Variants in SAMHD1 observed in about 807,000 individuals in gnomAD.
SAMHD1 encodes SAM and HD domain containing deoxynucleoside triphosphate triphosphohydrolase 1.
Under a neutral mutation model 79.6 loss-of-function variants are expected in SAMHD1, and 54 were observed. The observed-to-expected ratio is 0.68, with a 90% CI of 0.55 to 0.85. SAMHD1 has a LOEUF of 0.85. Among genes scored for constraint, SAMHD1 ranks in the 40% least tolerant of loss-of-function variants. The pLI, the probability that SAMHD1 is intolerant of heterozygous loss-of-function variation, is 0.00. For missense variants in SAMHD1, 663 were observed against 782.7 expected (o/e 0.85, Z 1.82); for synonymous variants, 260 against 264.1 (o/e 0.98, Z 0.15).
At chr20:36,902,870 T>A (rs1012429598) in intron 13 of SAMHD1, among the ~76,000 whole-genome samples, 1 of 151,716 alleles carries the variant, frequency 6.6e-6, no homozygotes, top group African/African-American at 2.4e-5. Flanking sequence ...CCCAAGTAAC[T>A]GGGATTATAG....
intron 2 of SAMHD1, among the ~76,000 whole-genome samples, chr20:36,945,406 A>G (rs1461656177): frequency 5.9e-5 from 9 of 152,166 alleles, no homozygotes; most frequent in Admixed American, 5.9e-4. Flanking sequence ...GCATATTCCA[A>G]TCTTTAGGAA....
chr20:36,945,841 G>A (rs778973414), intron 2 of SAMHD1, among the ~76,000 whole-genome samples: 3 of 151,952 alleles, frequency 2.0e-5, no homozygotes, highest in Admixed American at 6.6e-5. Context: ...AACCCAGGGG[G>A]TTCAGTGAGC....
chr20:36,945,371 T>C (rs1440490590), intron 2 of SAMHD1, among the ~76,000 whole-genome samples: 1 of 152,210 alleles, frequency 6.6e-6, no homozygotes, highest in African/African-American at 2.4e-5. Context: ...CTGTTTTGCA[T>C]AGTGTCTTTA....
chr20:36,930,932 T>A (rs760907185), intron 4 of SAMHD1, 57 bp from the exon 5 acceptor site: 3 of 1,191,260 alleles, frequency 2.5e-6, no homozygotes, highest in Non-Finnish European at 1.3e-6. Flanking sequence ...GTGATAGTTC[T>A]GGTCCTCAAG....
intron 14 of SAMHD1, 119 bp downstream of exon 14, chr20:36,898,321 C>T: frequency 1.3e-6 from 1 of 798,150 alleles, no homozygotes; most frequent in Non-Finnish European, 2.2e-6. Context: ...AGCTACTGTG[C>T]CAGGCCCACT....
chr20:36,892,163 A>G lies in SAMHD1; in HGVS notation c.*769T>C, dbSNP rs1398481028. ...CAAGAGGCGGCTTTATGTTCCACTC[A>G]CGAAGAGGCCAGAGCTCTCAGATCT... On this transcript the variant is annotated 3_prime_UTR_variant, in exon 16 of 16. Transcript: ENST00000646673. 1 of 152,370 alleles carries G rather than the reference A, an allele frequency of 6.6e-6. No individual in the cohort carries two copies. 9.4% of individuals were successfully genotyped at this position (152,370 alleles called of 1,614,324 possible).
chr20:36,896,785 A>AGATC, intron 15 of SAMHD1, among the ~76,000 whole-genome samples: 1 of 152,138 alleles, frequency 6.6e-6, no homozygotes, highest in Non-Finnish European at 1.5e-5. Flanking sequence ...CAGTGAGCCA[A>AGATC]GATCGTGCCA....
intron 1 of SAMHD1, among the ~76,000 whole-genome samples, chr20:36,950,305 G>C (rs568191157): frequency 6.6e-6 from 1 of 151,764 alleles, no homozygotes; most frequent in South Asian, 2.1e-4. Context: ...AGCAGTGGAG[G>C]GAAACGAAAG....
intron 6 of SAMHD1, among the ~76,000 whole-genome samples, chr20:36,924,520 C>G (rs1389479033): frequency 2.0e-5 from 3 of 151,982 alleles, no homozygotes; most frequent in Non-Finnish European, 4.4e-5. Context: ...CACTGGCTTA[C>G]AGAAATAACA....
chr20:36,946,560 A>G (rs1274047636), intron 2 of SAMHD1, 178 bp downstream of exon 2: 1 of 574,376 alleles, frequency 1.7e-6, no homozygotes, highest in Admixed American at 2.9e-5. Flanking sequence ...TGGGTGAACA[A>G]GAGACTATCT....
intron 9 of SAMHD1, among the ~76,000 whole-genome samples, 199 bp from the exon 10 acceptor site, chr20:36,912,751 ATTTTTTTTTTTT>A (rs66970329): frequency 4.7e-5 from 5 of 107,058 alleles, no homozygotes; most frequent in African/African-American, 6.9e-5. Context: ...TGCAACTTTC[ATTTTTTTTTTTT>A]TTTTTTTTTT....
intron 6 of SAMHD1, among the ~76,000 whole-genome samples, chr20:36,923,845 G>A (rs1169912523): frequency 6.6e-6 from 1 of 152,130 alleles, no homozygotes; most frequent in Non-Finnish European, 1.5e-5. Flanking sequence ...TAAAAGGAAG[G>A]AGCTGAGAAA....
chr20:36,906,751 A>G (rs961035723), intron 11 of SAMHD1, among the ~76,000 whole-genome samples: 9 of 151,676 alleles, frequency 5.9e-5, no homozygotes, highest in African/African-American at 2.2e-4. Flanking sequence ...AACAATTGTT[A>G]ATGTTTTTCT....
intron 10 of SAMHD1, 85 bp downstream of exon 10, chr20:36,912,376 T>C (rs902028580): frequency 7.3e-6 from 6 of 817,576 alleles, no homozygotes; most frequent in Non-Finnish European, 6.4e-6. Flanking sequence ...TGAACTCATC[T>C]AGAAATGTCT....
intron 2 of SAMHD1, among the ~76,000 whole-genome samples, chr20:36,946,194 C>T (rs1252571488): frequency 2.0e-5 from 3 of 151,882 alleles, no homozygotes; most frequent in African/African-American, 4.8e-5. Flanking sequence ...GGGCAGATCA[C>T]GAGGTCAGGA....
chr20:36,944,724 G>A (rs6030342), intron 2 of SAMHD1, among the ~76,000 whole-genome samples: 10,271 of 152,030 alleles, frequency 0.068, 444 homozygotes, highest in Non-Finnish European at 0.1. Flanking sequence ...GAGAAACCCC[G>A]TCTCTACTAA....
In SAMHD1 at chr20:36,902,595, T is replaced by G. The variant is rs534987934; in HGVS notation, c.1503+1562A>C. 2.0e-5 allele frequency among the ~76,000 whole-genome samples: 3 copies of G among 152,226 alleles called. No homozygotes were observed. The East Asian group carries it at 5.8e-4, about 29-fold the overall frequency. ...TGTATAGTGATGGTATCCAGGAGCA[T>G]TTATGTGTCCAGGTATGGGTGTGGA... On this transcript the variant is annotated intron_variant, in intron 13 of 15. Coordinates refer to ENST00000646673, the MANE Select transcript of SAMHD1 (RefSeq NM_015474.4).
At chr20:36,912,353 C>T (rs955130209) in intron 10 of SAMHD1, 108 bp downstream of exon 10, 2 of 727,912 alleles carry the variant, frequency 2.7e-6, no homozygotes, top group South Asian at 1.5e-5. Context: ...AATTTAATCA[C>T]TTAATATTCA....
rs151306059 is a variant in SAMHD1, at chr20:36,933,680, G to A, written c.509+1349C>T. 1.6e-3 allele frequency among the ~76,000 whole-genome samples: 247 copies of A among 152,030 alleles called. 2 individuals carry two copies. Among genetic ancestry groups the A allele is most frequent in the African/African-American group, 5.7e-3 (238 of 41,508 alleles). ...TAATTTTTGTATTTTTACTAGAGAC[G>A]GGGTTTCACCATGTTGCTCAGGCTG... On this transcript the variant is annotated intron_variant, in intron 4 of 15. Coordinates refer to ENST00000646673, the MANE Select transcript of SAMHD1 (RefSeq NM_015474.4).
Sources: gnomAD v4.1 joint callset for allele counts (sites outside exome capture counted in the v4.1 genomes callset) on GRCh38, gnomAD v4.1.1 for gene constraint, MANE v1.5 for transcripts, NCBI Gene and HGNC (gene_info 2026-07-23, HGNC 2026-07-21) for gene names.